The following LRP1B variants were observed in gnomAD, a reference collection of about 807,000 sequenced individuals.
LRP1B encodes the protein LDL receptor related protein 1B, also known as low-density lipoprotein receptor-related protein 1B.
LRP1B carries 217 observed loss-of-function variants against 556.6 expected under a neutral mutation model. That is an observed-to-expected ratio of 0.39 (90% CI 0.35 to 0.44). LRP1B has a LOEUF of 0.44. LRP1B is among the 20% of genes least tolerant of loss of function. The pLI is 1.00. For synonymous variants in LRP1B, 2,047 were observed against 1,865.8 expected (o/e 1.10, Z -2.50); for missense variants, 5,053 against 5,620.8 (o/e 0.90, Z 3.23).
At chr2:140,519,364 G>A (rs879791269) in intron 49 of LRP1B, among the ~76,000 whole-genome samples, 1 of 152,162 alleles carries the variant, frequency 6.6e-6, no homozygotes, top group Non-Finnish European at 1.5e-5. Flanking sequence ...ATGGGGAAAG[G>A]ATTCTCTATT....
In LRP1B at chr2:141,775,107, A is replaced by C. The variant is rs1189428242; in HGVS notation, c.205+35172T>G. ...ACATAACATGTAGGAGTCCTTCCCCATCACTCCTGCAGAAGATAAATGCAA... is the reference window on the plus strand; with the variant it reads ...ACATAACATGTAGGAGTCCTTCCCCCTCACTCCTGCAGAAGATAAATGCAA... On this transcript the variant is annotated intron_variant, in intron 2 of 90. Coordinates refer to ENST00000389484, the MANE Select transcript of LRP1B (RefSeq NM_018557.3). Among the ~76,000 whole-genome samples the C allele has an allele frequency of 2.0e-5, 3 of 152,222 alleles. No individual in the cohort carries two copies. The East Asian group carries it at 5.8e-4, about 29-fold the overall frequency.
Position 140,323,877 on chromosome 2 carries a change from A to AAT in LRP1B, c.12514+14_12514+15dup. The AAT allele has an allele frequency of 7.8e-7, 1 of 1,276,548 alleles. No homozygotes were observed. Among genetic ancestry groups the AAT allele is most frequent in the Non-Finnish European group, 1.1e-6 (1 of 894,974 alleles). The allele number at this position is 1,276,548 out of a possible 1,614,324, so 79.1% of individuals were successfully genotyped here. A position where few individuals can be genotyped will look rare whatever the true frequency, so the allele number is the denominator to read the frequency against. ...AATTTACCAATATAGACAACTTCAT[A>AAT]ATATATTATACTTACAATCTAGTTG... On this transcript the variant is annotated intron_variant, in intron 81 of 90. Transcript: ENST00000389484.
intron 69 of LRP1B, among the ~76,000 whole-genome samples, chr2:140,372,665 A>T (rs1365564498): frequency 3.3e-5 from 5 of 152,136 alleles, no homozygotes; most frequent in African/African-American, 9.6e-5. Context: ...CACCATTTCC[A>T]TAACTAAAAC....
At chr2:141,035,845 AG>A (rs1469628283) in intron 11 of LRP1B, among the ~76,000 whole-genome samples, 2 of 152,156 alleles carry the variant, frequency 1.3e-5, no homozygotes, top group Non-Finnish European at 2.9e-5. Flanking sequence ...GGATATTTAA[AG>A]CATCACAAGG....
chr2:141,592,925 A>T (rs1000566553), intron 2 of LRP1B, among the ~76,000 whole-genome samples: 1 of 152,178 alleles, frequency 6.6e-6, no homozygotes, highest in East Asian at 1.9e-4. Flanking sequence ...TATAATAGGA[A>T]AATCCTTTGA....
chr2:141,089,363 A>G (rs1264252044), intron 7 of LRP1B, among the ~76,000 whole-genome samples: 1 of 152,196 alleles, frequency 6.6e-6, no homozygotes, highest in Non-Finnish European at 1.5e-5. Flanking sequence ...GAATTTCCCA[A>G]TGCCAATATT....
At chr2:141,334,115 G>A (rs1336739341) in intron 3 of LRP1B, among the ~76,000 whole-genome samples, 4 of 152,074 alleles carry the variant, frequency 2.6e-5, no homozygotes, top group Non-Finnish European at 5.9e-5. Flanking sequence ...CTTCTCTTTT[G>A]ACATCCCACA....
chr2:141,824,611 C>G (rs1696863616), intron 1 of LRP1B, among the ~76,000 whole-genome samples: 1 of 152,200 alleles, frequency 6.6e-6, no homozygotes, highest in Non-Finnish European at 1.5e-5. Flanking sequence ...CCTTGGCCTT[C>G]CAAAGTGCTG....
chr2:141,718,617 T>C (rs1692706371), intron 2 of LRP1B, among the ~76,000 whole-genome samples: 1 of 152,206 alleles, frequency 6.6e-6, no homozygotes, highest in South Asian at 2.1e-4. Flanking sequence ...GTATGAATCA[T>C]GGACATATGA....
At chr2:141,912,422 G>A (rs767183056) in intron 1 of LRP1B, among the ~76,000 whole-genome samples, 5 of 151,968 alleles carry the variant, frequency 3.3e-5, no homozygotes, top group Non-Finnish European at 5.9e-5. Flanking sequence ...CAACACTATC[G>A]CAGCAAAAGG....
chr2:141,693,062 A>G (rs753444297), intron 2 of LRP1B, among the ~76,000 whole-genome samples: 2 of 152,066 alleles, frequency 1.3e-5, no homozygotes, highest in Non-Finnish European at 2.9e-5. Flanking sequence ...TTCTAAGTAC[A>G]GGGAACTTTG....
chr2:140,961,305 T>C (rs1475824679), intron 18 of LRP1B, among the ~76,000 whole-genome samples: 6 of 152,030 alleles, frequency 3.9e-5, no homozygotes, highest in Non-Finnish European at 2.9e-5. Flanking sequence ...AATTTTAAAA[T>C]ATATACATTT....
chr2:141,558,882 G>A (rs139399445), intron 2 of LRP1B, among the ~76,000 whole-genome samples: 7 of 151,738 alleles, frequency 4.6e-5, no homozygotes, highest in African/African-American at 1.2e-4. Flanking sequence ...TCTATTCAAG[G>A]CCATAAGGAA....
chr2:140,714,098 T>C (rs1263258184), intron 37 of LRP1B, among the ~76,000 whole-genome samples: 2 of 152,146 alleles, frequency 1.3e-5, no homozygotes, highest in Non-Finnish European at 2.9e-5. Flanking sequence ...TGTGTACTTG[T>C]TTGAATTTTC....
At position 140,434,060 on chromosome 2, in the gene LRP1B, T is replaced by TTTTA. The variant is rs370242463; in HGVS notation, c.10414+8440_10414+8443dup. 2.0e-5 allele frequency among the ~76,000 whole-genome samples: 3 copies of TTTTA among 151,688 alleles called. No individual in the cohort carries two copies. In the East Asian group the frequency reaches 5.8e-4, roughly 29 times the overall value. The stretch of plus-strand genomic sequence containing the variant: ...TAGTAATAGTTTCTTTCTTTCTTTC[T>TTTTA]TTTATTTATTTATTTTTTTTTCATT... On this transcript the variant is annotated intron_variant, in intron 66 of 90. Transcript: ENST00000389484.
At chr2:140,610,584 TA>T (rs1683035929) in intron 41 of LRP1B, among the ~76,000 whole-genome samples, 2 of 152,206 alleles carry the variant, frequency 1.3e-5, no homozygotes, top group South Asian at 4.1e-4. Flanking sequence ...CTGTATTTTT[TA>T]AAAATATTTT....
At chr2:140,388,761 G>A (rs1324506200) in intron 66 of LRP1B, among the ~76,000 whole-genome samples, 1 of 152,210 alleles carries the variant, frequency 6.6e-6, no homozygotes, top group African/African-American at 2.4e-5. Context: ...AACTGTATGA[G>A]TAAGGCCTAA....
chr2:141,763,750 A>G (rs1322628173), intron 2 of LRP1B, among the ~76,000 whole-genome samples: 1 of 152,206 alleles, frequency 6.6e-6, no homozygotes, highest in Non-Finnish European at 1.5e-5. Context: ...CACCAAATAT[A>G]ATTGCAAAAG....
At chr2:141,223,707 AG>A (rs1683132941) in intron 6 of LRP1B, among the ~76,000 whole-genome samples, 1 of 152,162 alleles carries the variant, frequency 6.6e-6, no homozygotes. Context: ...GGAACAGAAT[AG>A]AGAACTCAGA....
Sources: allele counts gnomAD v4.1 joint callset (sites outside exome capture counted in the v4.1 genomes callset), GRCh38; gene constraint gnomAD v4.1.1; transcripts MANE v1.5; gene names NCBI Gene and HGNC (gene_info 2026-07-23, HGNC 2026-07-21).